Variants in RGS7 observed in about 807,000 individuals in gnomAD.
RGS7 encodes the protein regulator of G-protein signaling 7.
A neutral mutation model predicts 81.1 loss-of-function variants in RGS7; 27 were observed. The observed-to-expected ratio is 0.33, with a 90% CI of 0.25 to 0.46. RGS7 has a LOEUF of 0.46. Ranked by LOEUF, RGS7 falls within the 20% of genes least tolerant of loss-of-function variation. RGS7 has a pLI of 1.00. For missense variants in RGS7, 396 were observed against 607.4 expected (o/e 0.65, Z 3.66); for synonymous variants, 208 against 207.7 (o/e 1.00, Z -0.01).
intron 2 of RGS7, among the ~76,000 whole-genome samples, chr1:241,175,903 G>T (rs2071104485): frequency 6.6e-6 from 1 of 152,110 alleles, no homozygotes; most frequent in African/African-American, 2.4e-5. Context: ...GAACGAATAA[G>T]AACAGCTAAA....
At chr1:241,273,175 A>AACCCCC (rs2078005904) in intron 2 of RGS7, among the ~76,000 whole-genome samples, 1 of 105,028 alleles carries the variant, frequency 9.5e-6, no homozygotes, top group African/African-American at 3.1e-5. Context: ...ATAATAATGA[A>AACCCCC]CCCCCCCCCC....
At chr1:241,211,936 T>C (rs1449043176) in intron 2 of RGS7, among the ~76,000 whole-genome samples, 7 of 152,168 alleles carry the variant, frequency 4.6e-5, no homozygotes, top group Admixed American at 2.0e-4. Flanking sequence ...TATACAAGTA[T>C]AAATAATCAA....
chr1:240,778,996 C>G (rs1156330708), intron 18 of RGS7, among the ~76,000 whole-genome samples: 1 of 152,116 alleles, frequency 6.6e-6, no homozygotes, highest in South Asian at 2.1e-4. Context: ...TCAAAGCTCA[C>G]ATGTTGAAAG....
intron 6 of RGS7, among the ~76,000 whole-genome samples, chr1:240,911,098 TTCTC>T (rs1001867049): frequency 2.0e-5 from 3 of 152,040 alleles, no homozygotes; most frequent in African/African-American, 7.2e-5. Flanking sequence ...TTTATTGTCT[TTCTC>T]TCTCTCAATC....
chr1:240,921,969 G>C (rs1462072863), intron 6 of RGS7, among the ~76,000 whole-genome samples: 2 of 152,026 alleles, frequency 1.3e-5, no homozygotes, highest in Non-Finnish European at 1.5e-5. Context: ...CAATGACAGA[G>C]AGTTGACACT....
chr1:240,827,724 C>T (rs139699990), intron 9 of RGS7, among the ~76,000 whole-genome samples: 2,384 of 151,854 alleles, frequency 0.016, 69 homozygotes, highest in African/African-American at 0.051. Flanking sequence ...ATTAGCTGGG[C>T]GTGGTGGCGG....
At chr1:241,306,559 T>C (rs535182761) in intron 2 of RGS7, among the ~76,000 whole-genome samples, 2 of 148,132 alleles carry the variant, frequency 1.4e-5, no homozygotes, top group East Asian at 4.0e-4. Flanking sequence ...CTTACACACA[T>C]ACACATATGT....
chr1:241,135,134 C>T (rs2067410076), intron 2 of RGS7, among the ~76,000 whole-genome samples: 1 of 152,160 alleles, frequency 6.6e-6, no homozygotes, highest in African/African-American at 2.4e-5. Context: ...CTCATTAAAA[C>T]AGCATGTTGC....
intron 2 of RGS7, among the ~76,000 whole-genome samples, chr1:241,241,920 C>T (rs1239200698): frequency 1.4e-5 from 2 of 146,810 alleles, no homozygotes; most frequent in African/African-American, 5.1e-5. Flanking sequence ...ATTTGCTACT[C>T]TTTCACTCTC....
intron 2 of RGS7, among the ~76,000 whole-genome samples, chr1:241,185,057 T>C (rs565704583): frequency 6.6e-6 from 1 of 152,344 alleles, no homozygotes; most frequent in East Asian, 1.9e-4. Context: ...GTAAAGTTTA[T>C]TCTTGTACAT....
chr1:240,862,445 T>C (rs1662384689), intron 9 of RGS7, among the ~76,000 whole-genome samples: 1 of 152,172 alleles, frequency 6.6e-6, no homozygotes, highest in Non-Finnish European at 1.5e-5. Context: ...ATTCTTGAGG[T>C]TGGAATAATA....
chr1:240,919,704 T>C (rs1292376153), intron 6 of RGS7: 2 of 597,178 alleles, frequency 3.3e-6, no homozygotes, highest in East Asian at 5.7e-5. Context: ...AAGCTCTTCA[T>C]TGGAGGGCTG....
intron 2 of RGS7, among the ~76,000 whole-genome samples, chr1:241,343,154 C>T (rs1484488015): frequency 1.3e-5 from 2 of 150,792 alleles, no homozygotes; most frequent in Non-Finnish European, 2.9e-5. Context: ...CCCAGCTACT[C>T]GGGAGGCTGA....
intron 6 of RGS7, among the ~76,000 whole-genome samples, chr1:240,881,857 AAAG>A (rs745460291): frequency 2.0e-5 from 3 of 152,182 alleles, no homozygotes; most frequent in Admixed American, 6.5e-5. Context: ...TACCTTGATA[AAAG>A]AAGATTTACT....
At chr1:241,082,705 TAGAAG>T (rs1390295566) in intron 3 of RGS7, among the ~76,000 whole-genome samples, 5 of 152,164 alleles carry the variant, frequency 3.3e-5, no homozygotes, top group African/African-American at 4.8e-5. Context: ...TCAAAATAGT[TAGAAG>T]AGAAGAATTG....
At chr1:241,345,983 C>G (rs940168040) in intron 2 of RGS7, among the ~76,000 whole-genome samples, 2 of 152,056 alleles carry the variant, frequency 1.3e-5, no homozygotes, top group Non-Finnish European at 2.9e-5. Context: ...CCACTGCACT[C>G]CAGTCTGGTG....
intron 9 of RGS7, among the ~76,000 whole-genome samples, chr1:240,843,896 A>AG (rs931612204): frequency 2.5e-5 from 2 of 79,990 alleles, no homozygotes; most frequent in Non-Finnish European, 3.3e-5. Flanking sequence ...GCAAATGAAC[A>AG]GGGAAAAAAA....
At chr1:240,782,194 A>G (rs1684237581) in intron 18 of RGS7, among the ~76,000 whole-genome samples, 1 of 152,166 alleles carries the variant, frequency 6.6e-6, no homozygotes, top group Non-Finnish European at 1.5e-5. Context: ...TGCACAAAGA[A>G]ATGATTGTGT....
intron 6 of RGS7, among the ~76,000 whole-genome samples, chr1:240,875,583 G>C (rs1665265955): frequency 6.6e-6 from 1 of 152,198 alleles, no homozygotes; most frequent in South Asian, 2.1e-4. Context: ...GGTAGTTCTA[G>C]GTTCATTATT....
Sources: allele counts gnomAD v4.1 joint callset (sites outside exome capture counted in the v4.1 genomes callset), GRCh38; gene constraint gnomAD v4.1.1; transcripts MANE v1.5; gene names NCBI Gene and HGNC (gene_info 2026-07-23, HGNC 2026-07-21).